The following FRMD4A variants were observed in gnomAD, a reference collection of about 807,000 sequenced individuals.
FRMD4A encodes the protein FERM domain-containing protein 4A.
Under a neutral mutation model 129.1 loss-of-function variants are expected in FRMD4A, and 29 were observed. The observed-to-expected ratio is 0.22, with a 90% CI of 0.17 to 0.31. The LOEUF is 0.31. Among genes scored for constraint, FRMD4A ranks in the 10% least tolerant of loss-of-function variants. FRMD4A has a pLI of 1.00. For missense variants in FRMD4A, 1,272 were observed against 1,375.8 expected, an observed-to-expected ratio of 0.92 and a Z score of 1.19; for synonymous variants, 634 against 571.6, an observed-to-expected ratio of 1.11 and a Z score of -1.56.
chr10:14,059,362 G>T (rs1383029474), intron 2 of FRMD4A, among the ~76,000 whole-genome samples: 1 of 152,136 alleles, frequency 6.6e-6, no homozygotes, highest in African/African-American at 2.4e-5. Context: ...ATCTGGAGAG[G>T]GTGCCTCTAA....
chr10:14,076,533 G>A (rs565492646), intron 2 of FRMD4A, among the ~76,000 whole-genome samples: 7 of 152,156 alleles, frequency 4.6e-5, no homozygotes, highest in South Asian at 2.1e-4. Flanking sequence ...CCAGCTACTC[G>A]GGAGGCTGAG....
intron 2 of FRMD4A, among the ~76,000 whole-genome samples, chr10:13,982,644 C>T (rs899155906): frequency 1.3e-5 from 2 of 152,218 alleles, no homozygotes; most frequent in African/African-American, 4.8e-5. Flanking sequence ...CTTACTGGGT[C>T]TTCCCACTCA....
At chr10:13,799,372 G>A (rs569800419) in intron 4 of FRMD4A, among the ~76,000 whole-genome samples, 4 of 152,138 alleles carry the variant, frequency 2.6e-5, no homozygotes, top group Admixed American at 1.3e-4. Flanking sequence ...TGCCCAGGCT[G>A]GTCACAAACT....
At chr10:13,846,728 A>G (rs1354644568) in intron 3 of FRMD4A, among the ~76,000 whole-genome samples, 1 of 152,224 alleles carries the variant, frequency 6.6e-6, no homozygotes, top group Non-Finnish European at 1.5e-5. Flanking sequence ...TGTCTCTCGT[A>G]AACAGCTCAC....
intron 2 of FRMD4A, among the ~76,000 whole-genome samples, chr10:14,049,960 C>T (rs1217708135): frequency 6.6e-6 from 1 of 152,216 alleles, no homozygotes; most frequent in Non-Finnish European, 1.5e-5. Flanking sequence ...CCGTCTAGTT[C>T]ATATTCTCAC....
intron 2 of FRMD4A, among the ~76,000 whole-genome samples, chr10:14,096,252 AC>A (rs1381703979): frequency 6.6e-6 from 1 of 152,182 alleles, no homozygotes; most frequent in Non-Finnish European, 1.5e-5. Context: ...CATAGAAGGG[AC>A]AATCTGTGAG....
At chr10:13,834,040 G>A (rs763689529) in intron 3 of FRMD4A, among the ~76,000 whole-genome samples, 2 of 152,070 alleles carry the variant, frequency 1.3e-5, no homozygotes, top group Non-Finnish European at 2.9e-5. Flanking sequence ...GAGGTGGGTG[G>A]ATCACCTGAG....
Position 13,741,939 on chromosome 10 carries a change from C to T in FRMD4A, c.549-1362G>A, listed in dbSNP as rs552956403. Among the ~76,000 whole-genome samples, 3 of 152,348 alleles carry T rather than the reference C, an allele frequency of 2.0e-5. No individual in the cohort carries two copies. The South Asian group carries it at 6.2e-4, about 32-fold the overall frequency. On this transcript the variant is annotated intron_variant, in intron 9 of 24. Coordinates refer to ENST00000357447, the MANE Select transcript of FRMD4A (RefSeq NM_018027.5). Reference sequence around the variant, plus strand: ...TGGAGCGATCTTGGCTCACCGCAACCTCTGCCTCCCAGTTTAAAGCAATTC... The same window carrying T: ...TGGAGCGATCTTGGCTCACCGCAACTTCTGCCTCCCAGTTTAAAGCAATTC...
At chr10:14,183,276 T>C (rs1483269783) in intron 2 of FRMD4A, among the ~76,000 whole-genome samples, 2 of 152,236 alleles carry the variant, frequency 1.3e-5, no homozygotes, top group Non-Finnish European at 2.9e-5. Flanking sequence ...TTTATATCAT[T>C]AGTGGTGTCT....
intron 8 of FRMD4A, among the ~76,000 whole-genome samples, chr10:13,755,758 A>G (rs1014518105): frequency 6.6e-6 from 1 of 152,256 alleles, no homozygotes; most frequent in Non-Finnish European, 1.5e-5. Context: ...AAGATTTCTT[A>G]GCCGACACTC....
intron 2 of FRMD4A, among the ~76,000 whole-genome samples, chr10:14,206,758 G>T (rs988676428): frequency 8.0e-6 from 1 of 125,598 alleles, no homozygotes; most frequent in Non-Finnish European, 1.6e-5. Flanking sequence ...AGTGAGCTGA[G>T]ATCGCGCCAC....
chr10:14,178,317 T>C (rs1384455130), intron 2 of FRMD4A, among the ~76,000 whole-genome samples: 1 of 152,246 alleles, frequency 6.6e-6, no homozygotes, highest in Non-Finnish European at 1.5e-5. Flanking sequence ...GGCTATTACA[T>C]TGAGTACCTC....
At chr10:13,711,285 C>T (rs2087988692) in intron 12 of FRMD4A, among the ~76,000 whole-genome samples, 1 of 152,238 alleles carries the variant, frequency 6.6e-6, no homozygotes, top group Non-Finnish European at 1.5e-5. Flanking sequence ...TGTTAAATAC[C>T]TCACTCTGAG....
At chr10:13,680,379 T>C (rs1427183173) in intron 15 of FRMD4A, among the ~76,000 whole-genome samples, 5 of 151,852 alleles carry the variant, frequency 3.3e-5, no homozygotes, top group African/African-American at 7.3e-5. Flanking sequence ...TTTGAACACA[T>C]ATATGCTTTT....
chr10:13,850,516 T>G (rs2094126505), intron 3 of FRMD4A, among the ~76,000 whole-genome samples: 1 of 152,206 alleles, frequency 6.6e-6, no homozygotes, highest in East Asian at 1.9e-4. Flanking sequence ...CATGAGGATG[T>G]GTCACATGTT....
At chr10:13,917,443 C>T (rs1477261931) in intron 2 of FRMD4A, among the ~76,000 whole-genome samples, 2 of 152,038 alleles carry the variant, frequency 1.3e-5, no homozygotes, top group Non-Finnish European at 2.9e-5. Flanking sequence ...TCATGCACCA[C>T]CATGCCCAGT....
At chr10:13,795,143 C>T (rs1039186340) in intron 5 of FRMD4A, among the ~76,000 whole-genome samples, 1 of 152,212 alleles carries the variant, frequency 6.6e-6, no homozygotes, top group African/African-American at 2.4e-5. Context: ...CACTCATCCA[C>T]CTGCGATGAC....
chr10:14,241,683 TAAAAAAAAAAAAAAAAA>T (rs71388168), intron 2 of FRMD4A, among the ~76,000 whole-genome samples: 3,972 of 23,406 alleles, frequency 0.17, 181 homozygotes, highest in Middle Eastern at 0.24. Flanking sequence ...TTACCCTCCC[TAAAAAAAAAAAAAAAAA>T]AAAAAAAAAA....
At chr10:13,697,259 C>T (rs748879317) in intron 14 of FRMD4A, among the ~76,000 whole-genome samples, 2 of 151,240 alleles carry the variant, frequency 1.3e-5, no homozygotes, top group Non-Finnish European at 2.9e-5. Context: ...TGGGTTCAAG[C>T]GATTCTCCTC....
Sources: allele counts gnomAD v4.1 joint callset (sites outside exome capture counted in the v4.1 genomes callset), GRCh38; gene constraint gnomAD v4.1.1; transcripts MANE v1.5; gene names NCBI Gene and HGNC (gene_info 2026-07-23, HGNC 2026-07-21).